The following TLE2 variants were observed in gnomAD, a reference collection of about 807,000 sequenced individuals.
TLE2 encodes TLE family member 2, transcriptional corepressor.
A neutral mutation model predicts 97.2 loss-of-function variants in TLE2; 74 were observed. The observed-to-expected ratio is 0.76, with a 90% CI of 0.63 to 0.92. TLE2 has a LOEUF of 0.92. Ranked by LOEUF, TLE2 falls within the 40% of genes least tolerant of loss-of-function variation. The pLI is 0.00. For missense variants in TLE2, 1,038 were observed against 1,008.7 expected (o/e 1.03, Z -0.39); for synonymous variants, 499 against 432.1 (o/e 1.15, Z -1.92).
chr19:3,005,416 C>G lies in TLE2; in HGVS notation c.1896+21G>C, dbSNP rs775016684. ...GTATTCCTAGAGCTTCCATCCCCCT[C>G]CTGCCAGAACCGAACAGCACCTGGG... On this transcript the variant is annotated intron_variant, in intron 17 of 19. Transcript: ENST00000262953. 4 of 1,611,870 alleles carry G rather than the reference C, an allele frequency of 2.5e-6. No individual in the cohort carries two copies. The South Asian group carries it at 4.4e-5, about 18-fold the overall frequency.
At chr19:3,028,251 CCA>C in intron 3 of TLE2, 66 bp downstream of exon 3, 1 of 1,499,510 alleles carries the variant, frequency 6.7e-7, no homozygotes, top group African/African-American at 1.4e-5. Context: ...GGGACCTACC[CCA>C]GAGTCCACCG....
intron 19 of TLE2, 133 bp from the exon 20 acceptor site, chr19:2,998,088 G>A: frequency 1.6e-6 from 1 of 642,020 alleles, no homozygotes; most frequent in Admixed American, 2.4e-5. Context: ...TTCTTTTTTT[G>A]AGATGGAGTT....
chr19:3,018,255 C>G (rs551269197), intron 7 of TLE2, among the ~76,000 whole-genome samples: 2 of 152,188 alleles, frequency 1.3e-5, no homozygotes, highest in Admixed American at 1.3e-4. Context: ...TCTCAGCCTC[C>G]CGAGTAGCTG....
chr19:3,041,491 A>C (rs2090102937), intron 1 of TLE2, among the ~76,000 whole-genome samples: 1 of 151,976 alleles, frequency 6.6e-6, no homozygotes. Flanking sequence ...GCCACCTCCC[A>C]ACATGGGCTC....
At chr19:3,003,030 G>A (rs2089399731) in intron 17 of TLE2, among the ~76,000 whole-genome samples, 1 of 152,122 alleles carries the variant, frequency 6.6e-6, no homozygotes, top group Non-Finnish European at 1.5e-5. Flanking sequence ...GGGGTGCCCA[G>A]CACCATCAGG....
intron 4 of TLE2, among the ~76,000 whole-genome samples, chr19:3,026,184 C>T (rs1215808961): frequency 1.3e-5 from 2 of 152,094 alleles, no homozygotes; most frequent in Non-Finnish European, 2.9e-5. Context: ...AGGTGGCTCA[C>T]TCCTGTAATC....
At chr19:2,998,278 A>AGTGTGTG (rs1568227433) in intron 19 of TLE2, among the ~76,000 whole-genome samples, 1 of 106,702 alleles carries the variant, frequency 9.4e-6, no homozygotes, top group African/African-American at 4.2e-5. Context: ...TGTGTGTGTA[A>AGTGTGTG]TTTTTTTTTT....
chr19:3,008,743 G>T, intron 14 of TLE2, 126 bp downstream of exon 14: 1 of 676,974 alleles, frequency 1.5e-6, no homozygotes, highest in Non-Finnish European at 2.2e-6. Context: ...GAACCACTGT[G>T]CCCGGCCCAC....
chr19:3,022,346 A>T (rs920556019), intron 5 of TLE2, among the ~76,000 whole-genome samples: 1 of 151,816 alleles, frequency 6.6e-6, no homozygotes, highest in Non-Finnish European at 1.5e-5. Flanking sequence ...ACATGGTGAA[A>T]CCACCCCCCC....
At chr19:3,022,132 T>C (rs1170109635) in intron 5 of TLE2, among the ~76,000 whole-genome samples, 4 of 151,702 alleles carry the variant, frequency 2.6e-5, no homozygotes, top group South Asian at 2.1e-4. Context: ...CACGCTAACC[T>C]CCGCCTCCCA....
chr19:3,019,966 C>T lies in TLE2; in HGVS notation c.295-193G>A, dbSNP rs2089803671. On this transcript the variant is annotated intron_variant, in intron 5 of 19. Transcript: ENST00000262953. This position sits in a 1 kb window ranked among gnomAD's most constrained non-coding sequence, Gnocchi z 5.1. ...TGAAATAAGCACACGGAGAAAGAAA[C>T]CAAACCTAAGTGCAGGTAGAATAGT... is the stretch of plus-strand genomic sequence containing the variant. The T allele has an allele frequency of 4.0e-6, 3 of 758,148 alleles. No homozygotes were observed. Among genetic ancestry groups the T allele is most frequent in the South Asian group, 1.9e-5 (1 of 53,416 alleles). The allele number at this position is 758,148 out of a possible 1,614,324, so 47.0% of individuals were successfully genotyped here.
chr19:3,009,979 G>A lies in TLE2; in HGVS notation c.1013-277C>T, dbSNP rs148936473. 2.9e-3 allele frequency among the ~76,000 whole-genome samples: 440 copies of A among 151,802 alleles called. 3 individuals carry two copies. The highest frequency in any genetic ancestry group is 9.5e-3 in the African/African-American group (393 of 41,414). On this transcript the variant is annotated intron_variant, in intron 12 of 19. Coordinates refer to ENST00000262953, the MANE Select transcript of TLE2 (RefSeq NM_003260.5). Reference sequence around the variant, plus strand: ...GGCTCACTGAAACCTCTGCCTCCTGGGTTCAAGCAATTCTGCTGCCTCAGC... The same window carrying A: ...GGCTCACTGAAACCTCTGCCTCCTGAGTTCAAGCAATTCTGCTGCCTCAGC...
intron 1 of TLE2, among the ~76,000 whole-genome samples, chr19:3,042,850 G>A (rs2090114749): frequency 1.3e-5 from 2 of 152,136 alleles, no homozygotes; most frequent in African/African-American, 2.4e-5. Context: ...TTTTTTTAAC[G>A]GCAGTGGGGA....
intron 1 of TLE2, among the ~76,000 whole-genome samples, chr19:3,037,161 T>C (rs957552369): frequency 6.6e-6 from 1 of 152,160 alleles, no homozygotes; most frequent in South Asian, 2.1e-4. Flanking sequence ...GGCACGCTCC[T>C]GTAGTCCCAG....
rs541722327 is a variant in TLE2 at position 3,009,400 on chromosome 19, G to C, written c.1173+142C>G. 3.9e-6 allele frequency: 4 copies of C among 1,019,258 alleles called. No individual in the cohort carries two copies. In the South Asian group the frequency reaches 8.5e-5, roughly 22 times the overall value. 63.1% of individuals were successfully genotyped at this position (1,019,258 alleles called of 1,614,324 possible). On this transcript the variant is annotated intron_variant, in intron 13 of 19. Coordinates refer to ENST00000262953, the MANE Select transcript of TLE2 (RefSeq NM_003260.5). Reference sequence around the variant, plus strand: ...GTGGGACTACTGAGACCCCCAGATTGTCTTCCCATGCATACTTGCTGAGCC... The same window carrying C: ...GTGGGACTACTGAGACCCCCAGATTCTCTTCCCATGCATACTTGCTGAGCC...
In TLE2 at chr19:3,005,954, G is replaced by A. The variant is rs781625359; in HGVS notation, c.1515C>T (p.Tyr505=). The stretch of plus-strand genomic sequence containing the variant: ...CCGGCAGCAACTTGCAGGAACGAAT[G>A]TAGTTGTCTCGGTTCTGGGGTCGGG... ...AQLDCLNRDN[Y]IRSCKLLPDG... Residue 505 remains tyrosine, a synonymous_variant, in exon 16 of 20, where the codon TAC becomes TAT. Coordinates refer to ENST00000262953, the MANE Select transcript of TLE2 (RefSeq NM_003260.5). 6.2e-6 allele frequency: 10 copies of A among 1,610,606 alleles called. No homozygotes were observed. Among genetic ancestry groups the A allele is most frequent in the Non-Finnish European group, 8.5e-6 (10 of 1,177,186 alleles).
intron 1 of TLE2, among the ~76,000 whole-genome samples, chr19:3,036,443 A>G (rs1487625119): frequency 6.6e-6 from 1 of 152,064 alleles, no homozygotes; most frequent in Non-Finnish European, 1.5e-5. Context: ...CCGGGCCGGG[A>G]AAGCGGCTCC....
intron 19 of TLE2, among the ~76,000 whole-genome samples, chr19:3,000,229 G>A (rs892152464): frequency 4.8e-4 from 72 of 150,156 alleles, no homozygotes; most frequent in African/African-American, 1.6e-3. Context: ...CCACCACCAC[G>A]CCTGGCTAAT....
At chr19:3,023,056 C>CTT (rs35202557) in intron 5 of TLE2, among the ~76,000 whole-genome samples, 5 of 135,416 alleles carry the variant, frequency 3.7e-5, no homozygotes, top group Non-Finnish European at 4.7e-5. Context: ...TTTACCTAAT[C>CTT]TTTTTTTTTT....
Sources: allele counts gnomAD v4.1 joint callset (sites outside exome capture counted in the v4.1 genomes callset), GRCh38; gene constraint gnomAD v4.1.1; non-coding constraint Gnocchi (gnomAD v3.1); transcripts MANE v1.5; gene names NCBI Gene and HGNC (gene_info 2026-07-23, HGNC 2026-07-21).